KAT6B: variants seen among roughly 807,000 people sequenced by gnomAD.
The protein encoded by KAT6B is lysine acetyltransferase 6B.
In KAT6B, 10 loss-of-function variants were observed where a neutral mutation model predicts 187.5. The ratio of observed to expected loss-of-function variants is 0.05; its 90% CI spans 0.03 to 0.09. KAT6B has a LOEUF of 0.09. Among genes scored for constraint, KAT6B ranks in the 10% least tolerant of loss-of-function variants. The pLI is 1.00. For missense variants in KAT6B, 1,952 were observed against 2,558.9 expected, an observed-to-expected ratio of 0.76 and a Z score of 5.12; for synonymous variants, 861 against 926.8, an observed-to-expected ratio of 0.93 and a Z score of 1.29.
chr10:74,845,044 C>T (rs560655123), intron 3 of KAT6B, among the ~76,000 whole-genome samples: 142 of 151,470 alleles, frequency 9.4e-4, no homozygotes, highest in Middle Eastern at 3.4e-3. Context: ...TAGTAAGACC[C>T]CTGTCTCTAC....
chr10:74,999,214 G>C (rs1289576436), intron 13 of KAT6B, among the ~76,000 whole-genome samples: 5 of 152,252 alleles, frequency 3.3e-5, no homozygotes, highest in Admixed American at 6.5e-5. Flanking sequence ...CTGGTGCAGA[G>C]TGGTGCTCAG....
chr10:75,023,413 A>G (rs1264832341), intron 16 of KAT6B: 3 of 152,242 alleles, frequency 2.0e-5, no homozygotes, highest in African/African-American at 7.2e-5. Flanking sequence ...AGGCTTAAGA[A>G]TAATGTTTCC....
chr10:74,929,503 G>C (rs1848722385), intron 3 of KAT6B, among the ~76,000 whole-genome samples: 1 of 152,110 alleles, frequency 6.6e-6, no homozygotes, highest in African/African-American at 2.4e-5. Context: ...ATCATATACA[G>C]GACATAGTCC....
Position 75,024,963 on chromosome 10 carries a change from T to G in KAT6B, c.3378T>G (p.Pro1126=). ...PQSVAIKRKR[P]FVLKKKRGRK... ...ATGTTTGGAATTAATTTCAGAGGCCTTTTGTACTAAAGAAGAAAAGGGGTC... is the reference window on the plus strand; with the variant it reads ...ATGTTTGGAATTAATTTCAGAGGCCGTTTGTACTAAAGAAGAAAAGGGGTC... Residue 1126 remains proline, a synonymous_variant, in exon 17 of 18, where the codon CCT becomes CCG. Coordinates refer to ENST00000287239, the MANE Select transcript of KAT6B (RefSeq NM_012330.4). 6.2e-7 allele frequency: 1 copy of G among 1,614,058 alleles called. No homozygotes were observed. The highest frequency in any genetic ancestry group is 8.5e-7 in the Non-Finnish European group (1 of 1,179,934).
intron 1 of KAT6B, among the ~76,000 whole-genome samples, chr10:74,831,827 A>G (rs1438647092): frequency 6.6e-6 from 1 of 152,230 alleles, no homozygotes; most frequent in Non-Finnish European, 1.5e-5. Context: ...AGAAGAGAAA[A>G]CAGAGACTTA....
At chr10:74,908,595 T>C (rs1179746039) in intron 3 of KAT6B, among the ~76,000 whole-genome samples, 1 of 151,654 alleles carries the variant, frequency 6.6e-6, no homozygotes, top group African/African-American at 2.4e-5. Context: ...CTTTTCTTTA[T>C]AAGTTGCCTA....
chr10:74,992,478 A>G (rs561579575), intron 13 of KAT6B, among the ~76,000 whole-genome samples: 1 of 152,368 alleles, frequency 6.6e-6, no homozygotes, highest in African/African-American at 2.4e-5. Context: ...GAATCATCCA[A>G]CACAAAGCCA....
rs758426265 is a variant in KAT6B, at chr10:75,030,038, C to T, written c.5214C>T (p.Thr1738=). The change falls in exon 18 of 18, where the codon ACC becomes ACT. Residue 1738 remains threonine, a synonymous_variant. Transcript: ENST00000287239. This position sits in a 1 kb window ranked among gnomAD's most constrained non-coding sequence, Gnocchi z 4.8. ...ISGSCSMLQQ[T]SISSPPTCSV... is the part of the protein sequence containing the mutation. ...GGAGCTGCAGCATGCTGCAGCAAACCAGCATCAGCTCCCCTCCGACCTGCA... is the reference window on the plus strand; with the variant it reads ...GGAGCTGCAGCATGCTGCAGCAAACTAGCATCAGCTCCCCTCCGACCTGCA... The T allele has an allele frequency of 9.9e-6, 16 of 1,614,220 alleles. No individual in the cohort carries two copies. Among genetic ancestry groups the T allele is most frequent in the Non-Finnish European group, 1.4e-5 (16 of 1,180,036 alleles).
intron 3 of KAT6B, among the ~76,000 whole-genome samples, chr10:74,948,249 T>C (rs1417599695): frequency 2.0e-5 from 3 of 152,230 alleles, no homozygotes; most frequent in Non-Finnish European, 4.4e-5. Context: ...ACTACTTTTA[T>C]TGGTTCTATG....
intron 3 of KAT6B, among the ~76,000 whole-genome samples, chr10:74,852,171 CCTT>C (rs1019016195): frequency 5.3e-5 from 8 of 152,168 alleles, no homozygotes; most frequent in African/African-American, 1.9e-4. Context: ...TCTCTGTTGA[CCTT>C]CTTAGTTTTC....
At chr10:74,845,687 G>A (rs1160620047) in intron 3 of KAT6B, among the ~76,000 whole-genome samples, 1 of 151,274 alleles carries the variant, frequency 6.6e-6, no homozygotes, top group Admixed American at 6.6e-5. Context: ...TTGTAGAGAT[G>A]GGGTTTTGCC....
intron 3 of KAT6B, among the ~76,000 whole-genome samples, chr10:74,853,713 C>T (rs956201761): frequency 6.0e-5 from 9 of 151,122 alleles, no homozygotes; most frequent in Admixed American, 6.6e-5. Flanking sequence ...CTGCAACCTC[C>T]GCCTCCCAGG....
At chr10:75,000,383 A>G (rs1198279902) in intron 13 of KAT6B, among the ~76,000 whole-genome samples, 1 of 152,128 alleles carries the variant, frequency 6.6e-6, no homozygotes, top group Non-Finnish European at 1.5e-5. Context: ...GTGGTTTATT[A>G]CAAAGTCTGA....
At chr10:75,026,387 C>T (rs1398024307) in intron 17 of KAT6B, among the ~76,000 whole-genome samples, 5 of 152,174 alleles carry the variant, frequency 3.3e-5, no homozygotes. Flanking sequence ...ATGGTATACT[C>T]TCTCTATTCC....
chr10:74,945,639 G>C (rs1427876795), intron 3 of KAT6B, among the ~76,000 whole-genome samples: 2 of 151,950 alleles, frequency 1.3e-5, no homozygotes, highest in African/African-American at 4.8e-5. Flanking sequence ...TAATAGAGAC[G>C]GGGTCTCACC....
At chr10:74,846,748 T>A (rs1842132159) in intron 3 of KAT6B, among the ~76,000 whole-genome samples, 1 of 152,236 alleles carries the variant, frequency 6.6e-6, no homozygotes, top group Admixed American at 6.5e-5. Flanking sequence ...TAATTAAATA[T>A]TTTTTATAAA....
At chr10:74,894,602 C>T (rs1271014500) in intron 3 of KAT6B, among the ~76,000 whole-genome samples, 1 of 152,134 alleles carries the variant, frequency 6.6e-6, no homozygotes, top group Non-Finnish European at 1.5e-5. Context: ...TACCAACCAC[C>T]ATTCTACTTT....
At chr10:74,918,850 A>C (rs1413358257) in intron 3 of KAT6B, among the ~76,000 whole-genome samples, 1 of 152,168 alleles carries the variant, frequency 6.6e-6, no homozygotes, top group Non-Finnish European at 1.5e-5. Flanking sequence ...AACACATTGA[A>C]GATATTATTT....
chr10:75,004,119 A>C (rs1844044371), intron 13 of KAT6B, among the ~76,000 whole-genome samples: 1 of 151,872 alleles, frequency 6.6e-6, no homozygotes, highest in Non-Finnish European at 1.5e-5. Context: ...TGGCATTTGC[A>C]TTGAGTTATT....
Sources: gnomAD v4.1 joint callset for allele counts (sites outside exome capture counted in the v4.1 genomes callset) on GRCh38, gnomAD v4.1.1 for gene constraint, Gnocchi (gnomAD v3.1) non-coding constraint, MANE v1.5 for transcripts, NCBI Gene and HGNC (gene_info 2026-07-23, HGNC 2026-07-21) for gene names.